Variants in SORCS2 observed in about 807,000 individuals in gnomAD.
SORCS2 encodes the protein sortilin related VPS10 domain containing receptor 2, also known as VPS10 domain-containing receptor SorCS2.
SORCS2 carries 100 observed loss-of-function variants against 141.6 expected under a neutral mutation model. The observed-to-expected ratio is 0.71, with a 90% CI of 0.60 to 0.83. The LOEUF (loss-of-function observed/expected upper bound fraction) is 0.83. Ranked by LOEUF, SORCS2 falls within the 40% of genes least tolerant of loss-of-function variation. The pLI is 0.00. For missense variants in SORCS2, 1,646 were observed against 1,560.2 expected (o/e 1.05, Z -0.93); for synonymous variants, 789 against 676.9 (o/e 1.17, Z -2.57).
intron 3 of SORCS2, among the ~76,000 whole-genome samples, chr4:7,558,397 G>A (rs1482215588): frequency 6.6e-6 from 1 of 152,096 alleles, no homozygotes; most frequent in Non-Finnish European, 1.5e-5. Flanking sequence ...ATTGCCAAGT[G>A]TCCCTTGGGG....
chr4:7,470,784 C>A (rs1257942283), intron 2 of SORCS2, among the ~76,000 whole-genome samples: 2 of 152,248 alleles, frequency 1.3e-5, no homozygotes, highest in Admixed American at 1.3e-4. Flanking sequence ...CAGTGGGAGG[C>A]AGGCCTGTGA....
intron 1 of SORCS2, among the ~76,000 whole-genome samples, chr4:7,379,525 T>A (rs745915635): frequency 6.6e-6 from 1 of 152,218 alleles, no homozygotes; most frequent in Non-Finnish European, 1.5e-5. Flanking sequence ...GCTGAGGCTT[T>A]CCCGTTCACA....
chr4:7,562,985 C>T (rs939503386), intron 3 of SORCS2, among the ~76,000 whole-genome samples: 6 of 152,170 alleles, frequency 3.9e-5, no homozygotes, highest in African/African-American at 9.7e-5. Flanking sequence ...TTCTGAGGTT[C>T]GAGGTGAGCA....
chr4:7,661,293 C>G (rs6840274), intron 5 of SORCS2, among the ~76,000 whole-genome samples: 23 of 100,402 alleles, frequency 2.3e-4, no homozygotes, highest in South Asian at 7.3e-4. Flanking sequence ...GAGACTCCAA[C>G]CCCCTCAGCT....
intron 1 of SORCS2, among the ~76,000 whole-genome samples, chr4:7,352,007 C>T (rs1720971293): frequency 6.6e-6 from 1 of 152,024 alleles, no homozygotes; most frequent in Admixed American, 6.5e-5. Flanking sequence ...CTTACCCATC[C>T]ACCCCTTAAT....
rs751016612 is a variant in SORCS2, at chr4:7,704,213, C to G, written c.1797C>G (p.His599Gln). The change falls in exon 14 of 27, where the codon CAC becomes CAG. Residue 599 changes from histidine (H) to glutamine (Q), a missense_variant. Transcript: ENST00000507866. ...SVDEGLTWST[H>Q]NFTSTSVFVD... ...ACGAGGGCCTCACCTGGAGCACGCA[C>G]AACTTCACCAGCACCTCGGTGTTTG... 5 of 1,613,012 alleles carry G rather than the reference C, an allele frequency of 3.1e-6. No homozygotes were observed. The Admixed American group carries it at 5.0e-5, about 16-fold the overall frequency.
At chr4:7,361,122 C>T (rs750401633) in intron 1 of SORCS2, among the ~76,000 whole-genome samples, 5 of 152,214 alleles carry the variant, frequency 3.3e-5, no homozygotes, top group South Asian at 2.1e-4. Context: ...TCCCTGTCTT[C>T]CTCACATAGG....
chr4:7,393,080 A>G (rs1458347887), intron 1 of SORCS2, among the ~76,000 whole-genome samples: 1 of 152,168 alleles, frequency 6.6e-6, no homozygotes, highest in Non-Finnish European at 1.5e-5. Flanking sequence ...CAAGAGGATG[A>G]GACGTGGGGT....
At chr4:7,500,699 A>T in intron 2 of SORCS2, among the ~76,000 whole-genome samples, 1 of 151,944 alleles carries the variant, frequency 6.6e-6, no homozygotes, top group East Asian at 1.9e-4. Context: ...GATAGAGAGG[A>T]ACCGGCTTTT....
chr4:7,507,847 G>T (rs1732371468), intron 2 of SORCS2, among the ~76,000 whole-genome samples: 1 of 152,062 alleles, frequency 6.6e-6, no homozygotes, highest in South Asian at 2.1e-4. Flanking sequence ...ATAAATTTTA[G>T]GCAGATCCAA....
rs1711960372 is a variant in SORCS2 at position 7,534,656 on chromosome 4, G to A, written c.648+3027G>A. Among the ~76,000 whole-genome samples the A allele has an allele frequency of 2.0e-5, 3 of 152,226 alleles. No homozygotes were observed. In the South Asian group the frequency reaches 6.2e-4, roughly 32 times the overall value. On this transcript the variant is annotated intron_variant, in intron 3 of 26. Coordinates refer to ENST00000507866, the MANE Select transcript of SORCS2 (RefSeq NM_020777.3). ...GCCAGGCCTGCAGGGGGAGCTGGGA[G>A]ATGGAGCAGAGGCTGGGGCAGGGCC...
chr4:7,600,952 C>G (rs1717627363), intron 3 of SORCS2, among the ~76,000 whole-genome samples: 1 of 152,176 alleles, frequency 6.6e-6, no homozygotes, highest in Non-Finnish European at 1.5e-5. Flanking sequence ...ATGGCATGGT[C>G]TCAGCTCACT....
intron 2 of SORCS2, among the ~76,000 whole-genome samples, chr4:7,528,402 G>T (rs59598878): frequency 3.4e-5 from 5 of 147,650 alleles, no homozygotes; most frequent in East Asian, 4.1e-4. Context: ...CAGCTGCTAC[G>T]TTTTTTTTTT....
chr4:7,346,561 G>A (rs1720664394), intron 1 of SORCS2, among the ~76,000 whole-genome samples: 1 of 152,216 alleles, frequency 6.6e-6, no homozygotes, highest in Non-Finnish European at 1.5e-5. Context: ...TAAGTCAGTT[G>A]ATAATGTTGC....
intron 1 of SORCS2, among the ~76,000 whole-genome samples, chr4:7,347,639 C>G (rs1403375236): frequency 6.6e-6 from 1 of 152,210 alleles, no homozygotes; most frequent in Non-Finnish European, 1.5e-5. Context: ...CTCCTCCCTT[C>G]TCCCCAGAGA....
intron 1 of SORCS2, among the ~76,000 whole-genome samples, chr4:7,317,567 G>A (rs977827317): frequency 6.6e-6 from 1 of 152,036 alleles, no homozygotes; most frequent in Non-Finnish European, 1.5e-5. Context: ...TCCCTCCAAG[G>A]AGCCCTTCCT....
chr4:7,570,877 T>C (rs1715344685), intron 3 of SORCS2, among the ~76,000 whole-genome samples: 1 of 152,074 alleles, frequency 6.6e-6, no homozygotes, highest in South Asian at 2.1e-4. Context: ...AATAACACCA[T>C]GAGTTCATTG....
chr4:7,370,569 T>G (rs921680782), intron 1 of SORCS2, among the ~76,000 whole-genome samples: 2 of 152,232 alleles, frequency 1.3e-5, no homozygotes, highest in African/African-American at 4.8e-5. Flanking sequence ...ATTGAAAAAT[T>G]ACACATCAAC....
At chr4:7,247,228 A>G (rs907846707) in intron 1 of SORCS2, among the ~76,000 whole-genome samples, 4 of 152,120 alleles carry the variant, frequency 2.6e-5, no homozygotes, top group Non-Finnish European at 4.4e-5. Context: ...GAAGGCTTCA[A>G]CCACCCATGA....
Sources: allele counts gnomAD v4.1 joint callset (sites outside exome capture counted in the v4.1 genomes callset), GRCh38; gene constraint gnomAD v4.1.1; transcripts MANE v1.5; gene names NCBI Gene and HGNC (gene_info 2026-07-23, HGNC 2026-07-21).